POMT2: variants seen among roughly 807,000 people sequenced by gnomAD.
POMT2 encodes protein O-mannosyltransferase 2, also known as protein O-mannosyl-transferase 2.
In POMT2, 75 loss-of-function variants were observed where a neutral mutation model predicts 100.0. That is an observed-to-expected ratio of 0.75 (90% CI 0.62 to 0.91). The LOEUF is 0.91. Ranked by LOEUF, POMT2 falls within the 40% of genes least tolerant of loss-of-function variation. POMT2 has a pLI of 0.00. For missense variants in POMT2, 940 were observed against 955.1 expected (o/e 0.98, Z 0.21); for synonymous variants, 378 against 374.1 (o/e 1.01, Z -0.12).
intron 11 of POMT2, 133 bp from the exon 12 acceptor site, chr14:77,286,955 A>G (rs1890447386): frequency 6.6e-7 from 1 of 1,509,958 alleles, no homozygotes; most frequent in South Asian, 1.2e-5. Flanking sequence ...AATCCAACAT[A>G]TCAGGAACTG....
intron 12 of POMT2, 95 bp from the exon 13 acceptor site, chr14:77,285,727 T>C: frequency 6.9e-7 from 1 of 1,445,880 alleles, no homozygotes; most frequent in Non-Finnish European, 9.6e-7. Flanking sequence ...TGCCACCATG[T>C]TATGAAGGTC....
chr14:77,277,585 G>A (rs1057463078), intron 20 of POMT2, 104 bp from the exon 21 acceptor site: 24 of 919,420 alleles, frequency 2.6e-5, no homozygotes, highest in Non-Finnish European at 3.6e-5. Flanking sequence ...ATTCCCCATC[G>A]CCAAGCCCGG....
intron 1 of POMT2, among the ~76,000 whole-genome samples, chr14:77,313,028 C>T (rs1203537016): frequency 1.3e-5 from 2 of 152,186 alleles, no homozygotes; most frequent in African/African-American, 4.8e-5. Context: ...AATGCAAAGT[C>T]CTCTTTTATA....
At chr14:77,308,743 T>C in intron 2 of POMT2, 1 of 454,544 alleles carries the variant, frequency 2.2e-6, no homozygotes, top group Non-Finnish European at 4.4e-6. Context: ...GGAGTATATA[T>C]GATTACAACA....
chr14:77,278,352 G>A, intron 20 of POMT2, 42 bp downstream of exon 20: 4 of 1,396,294 alleles, frequency 2.9e-6, no homozygotes, highest in Non-Finnish European at 9.9e-7. Flanking sequence ...AGGCACTGCT[G>A]AGCCCACACT....
intron 7 of POMT2, among the ~76,000 whole-genome samples, chr14:77,299,008 A>G (rs778684763): frequency 2.2e-4 from 34 of 152,252 alleles, no homozygotes; most frequent in Non-Finnish European, 1.8e-4. Context: ...TTTATAAACT[A>G]GAGATTTAAA....
intron 9 of POMT2, chr14:77,291,624 G>C (rs570173483): frequency 1.6e-6 from 1 of 609,516 alleles, no homozygotes; most frequent in South Asian, 2.1e-5. Flanking sequence ...TTGTTTCTTT[G>C]TATCTTTCTG....
chr14:77,316,758 T>C (rs1891646197), intron 1 of POMT2, among the ~76,000 whole-genome samples: 1 of 152,004 alleles, frequency 6.6e-6, no homozygotes, highest in Non-Finnish European at 1.5e-5. Flanking sequence ...TCACCAATGA[T>C]TAGGCTGAGT....
At position 77,277,371 on chromosome 14, in the gene POMT2, T is replaced by C. The variant is rs1890005543; in HGVS notation, c.*5A>G. 1.2e-5 allele frequency: 20 copies of C among 1,605,598 alleles called. No homozygotes were observed. Among genetic ancestry groups the C allele is most frequent in the Non-Finnish European group, 1.7e-5 (20 of 1,172,320 alleles). On this transcript the variant is annotated 3_prime_UTR_variant, in exon 21 of 21. Coordinates refer to ENST00000261534, the MANE Select transcript of POMT2 (RefSeq NM_013382.7). ...TGGACCCAGGCTGGAATCTTTGCAG[T>C]GGCCTCAAAAGTCCCATGAGTCCAG... is the stretch of plus-strand genomic sequence containing the variant.
At chr14:77,294,291 C>T (rs1057101324) in intron 9 of POMT2, among the ~76,000 whole-genome samples, 4 of 152,114 alleles carry the variant, frequency 2.6e-5, no homozygotes, top group South Asian at 2.1e-4. Flanking sequence ...GATTGAGTCA[C>T]GAGTGAATGG....
In POMT2 at chr14:77,320,584, A is replaced by G; in HGVS notation, c.98T>C (p.Val33Ala). The change falls in exon 1 of 21, where the codon GTG (valine) becomes GCG (alanine). Residue 33 changes from valine to alanine, a missense_variant. Val to Ala is a moderately conservative substitution (Grantham distance 64, BLOSUM62 0). Coordinates refer to ENST00000261534, the MANE Select transcript of POMT2 (RefSeq NM_013382.7). The part of the protein sequence containing the change: ...PQAARAAGRD[V>A]AAEAVARSPK... ...GCTTCGCGCCACAGCCTCAGCGGCCACGTCCCGGCCTGCGGCCCTAGCAGC... is the reference window on the plus strand; with the variant it reads ...GCTTCGCGCCACAGCCTCAGCGGCCGCGTCCCGGCCTGCGGCCCTAGCAGC... 1 of 1,578,540 alleles carries G rather than the reference A, an allele frequency of 6.3e-7. No homozygotes were observed. Among genetic ancestry groups the G allele is most frequent in the Non-Finnish European group, 8.5e-7 (1 of 1,169,636 alleles).
chr14:77,317,497 C>A (rs1284407314), intron 1 of POMT2, among the ~76,000 whole-genome samples: 2 of 152,226 alleles, frequency 1.3e-5, no homozygotes, highest in African/African-American at 4.8e-5. Flanking sequence ...TTCGATGGAC[C>A]TCCCACACTC....
In POMT2 at chr14:77,320,725, T is replaced by C. The variant is rs1891863367; in HGVS notation, c.-44A>G. 1.3e-6 allele frequency: 2 copies of C among 1,510,994 alleles called. No homozygotes were observed. The highest frequency in any genetic ancestry group is 1.8e-6 in the Non-Finnish European group (2 of 1,110,232). 93.6% of individuals were successfully genotyped at this position (1,510,994 alleles called of 1,614,324 possible). ...CGCCCTCCGGCCCGGAGGCACACTT[T>C]GTCTGACCAGCCGCCCCGCCAAGGA... On this transcript the variant is annotated 5_prime_UTR_variant, in exon 1 of 21. Transcript: ENST00000261534.
At chr14:77,300,917 C>A (rs1209810180) in intron 6 of POMT2, 173 bp downstream of exon 6, 1 of 1,127,982 alleles carries the variant, frequency 8.9e-7, no homozygotes, top group African/African-American at 1.5e-5. Context: ...CAGTCCTCAG[C>A]CGGGCCCACT....
intron 20 of POMT2, 109 bp from the exon 21 acceptor site, chr14:77,277,590 G>A: frequency 1.1e-6 from 1 of 899,808 alleles, no homozygotes; most frequent in Non-Finnish European, 1.8e-6. Context: ...CCATCGCCAA[G>A]CCCGGTTCTC....
chr14:77,301,731 A>G (rs1156788100), intron 5 of POMT2, among the ~76,000 whole-genome samples: 1 of 152,176 alleles, frequency 6.6e-6, no homozygotes, highest in African/African-American at 2.4e-5. Context: ...CACACAGAGG[A>G]TCCTGTCACT....
intron 1 of POMT2, among the ~76,000 whole-genome samples, chr14:77,319,036 T>C (rs985938286): frequency 2.6e-5 from 4 of 152,182 alleles, no homozygotes; most frequent in Non-Finnish European, 5.9e-5. Flanking sequence ...GCGCCCAGCC[T>C]GGTAATTACT....
At chr14:77,303,918 G>A (rs1891140348) in intron 4 of POMT2, among the ~76,000 whole-genome samples, 1 of 152,166 alleles carries the variant, frequency 6.6e-6, no homozygotes, top group Non-Finnish European at 1.5e-5. Flanking sequence ...AAAAGTGGCC[G>A]GGAGCTGGGT....
intron 20 of POMT2, among the ~76,000 whole-genome samples, chr14:77,277,997 C>T (rs954490475): frequency 2.0e-5 from 3 of 151,826 alleles, no homozygotes; most frequent in African/African-American, 7.3e-5. Flanking sequence ...CGGTTCCCCC[C>T]TCCCTCACCC....
Sources: allele counts gnomAD v4.1 joint callset (sites outside exome capture counted in the v4.1 genomes callset), GRCh38; gene constraint gnomAD v4.1.1; transcripts MANE v1.5; gene names NCBI Gene and HGNC (gene_info 2026-07-23, HGNC 2026-07-21).